The following NCOA6 variants were observed in gnomAD, a reference collection of about 807,000 sequenced individuals.
NCOA6 encodes the protein nuclear receptor coactivator 6, also known as NRC RAP250.
A neutral mutation model predicts 171.4 loss-of-function variants in NCOA6; 49 were observed. The observed-to-expected ratio is 0.29, with a 90% CI of 0.23 to 0.36. The LOEUF (loss-of-function observed/expected upper bound fraction) is 0.36, where lower values mean the gene tolerates loss of function less well. Ranked by LOEUF, NCOA6 falls within the 10% of genes least tolerant of loss-of-function variation. NCOA6 has a pLI of 1.00. For synonymous variants in NCOA6, 910 were observed against 927.5 expected (o/e 0.98, Z 0.34); for missense variants, 2,248 against 2,554.5 (o/e 0.88, Z 2.59).
chr20:34,729,327 T>C (rs145653915), intron 13 of NCOA6, among the ~76,000 whole-genome samples: 386 of 152,336 alleles, frequency 2.5e-3, no homozygotes, highest in African/African-American at 8.8e-3. Flanking sequence ...AACTAAAATA[T>C]ATGTACAGTG....
intron 4 of NCOA6, among the ~76,000 whole-genome samples, chr20:34,773,735 G>A (rs2146049802): frequency 6.6e-6 from 1 of 152,278 alleles, no homozygotes; most frequent in African/African-American, 2.4e-5. Flanking sequence ...TGTTGGCCAG[G>A]CTGGTCTCAA....
At chr20:34,716,312 G>C (rs914910922) in intron 14 of NCOA6, among the ~76,000 whole-genome samples, 1 of 152,146 alleles carries the variant, frequency 6.6e-6, no homozygotes, top group Non-Finnish European at 1.5e-5. Flanking sequence ...GAGCCTGAAG[G>C]CTTCATGGAG....
At chr20:34,718,558 T>C (rs2146898842) in intron 14 of NCOA6, among the ~76,000 whole-genome samples, 1 of 150,488 alleles carries the variant, frequency 6.6e-6, no homozygotes, top group South Asian at 2.1e-4. Flanking sequence ...CAGGCTGGAG[T>C]GCAGTGGTGC....
At chr20:34,718,103 T>C (rs1988827422) in intron 14 of NCOA6, among the ~76,000 whole-genome samples, 1 of 152,090 alleles carries the variant, frequency 6.6e-6, no homozygotes, top group Admixed American at 6.5e-5. Context: ...TGCTAGAAAC[T>C]GCAAAAAAAC....
intron 1 of NCOA6, among the ~76,000 whole-genome samples, chr20:34,795,389 T>C (rs1334237248): frequency 6.6e-6 from 1 of 152,214 alleles, no homozygotes; most frequent in Non-Finnish European, 1.5e-5. Flanking sequence ...TGATGTGATG[T>C]AACTTTAAAT....
Position 34,742,434 on chromosome 20 carries a change from G to A in NCOA6, c.3822C>T (p.Gly1274=). 1 of 1,614,196 alleles carries A rather than the reference G, an allele frequency of 6.2e-7. No individual in the cohort carries two copies. The highest frequency in any genetic ancestry group is 8.5e-7 in the Non-Finnish European group (1 of 1,180,046). The part of the protein sequence containing the change: ...PNLNRGFDQQ[G]LNPTTLKAIG... ...TGGCCTTCAAAGTTGTTGGATTTAG[G>A]CCTTGTTGATCAAAGCCCCTGTTTA... Residue 1274 remains glycine, a synonymous_variant, in exon 11 of 15, where the codon GGC becomes GGT. Transcript: ENST00000359003.
At chr20:34,790,253 C>T (rs1027044577) in intron 2 of NCOA6, among the ~76,000 whole-genome samples, 1 of 151,982 alleles carries the variant, frequency 6.6e-6, no homozygotes, top group African/African-American at 2.4e-5. Context: ...CTGATACATG[C>T]TACAACGGAG....
At chr20:34,745,061 G>A (rs2076263468) in intron 10 of NCOA6, among the ~76,000 whole-genome samples, 1 of 152,140 alleles carries the variant, frequency 6.6e-6, no homozygotes, top group Non-Finnish European at 1.5e-5. Context: ...TGGTGAAGAG[G>A]GAAAGCCAGG....
At chr20:34,792,590 C>T (rs1383430146) in intron 1 of NCOA6, 27 bp from the exon 2 acceptor site, 3 of 397,610 alleles carry the variant, frequency 7.5e-6, no homozygotes, top group Non-Finnish European at 1.3e-5. Flanking sequence ...ACAACAACAA[C>T]AAAAAGAGAG....
At position 34,749,842 on chromosome 20, in the gene NCOA6, C is replaced by G. The variant is rs2076414792; in HGVS notation, c.2353G>C (p.Gly785Arg). ...NSPSQVMGIQ[G>R]QVLRPPGPSP... ...GGCCCTGGTGGCCGCAGGACCTGTCCCTGAATGCCCATAACCTGAGATGGA... is the reference window on the plus strand; with the variant it reads ...GGCCCTGGTGGCCGCAGGACCTGTCGCTGAATGCCCATAACCTGAGATGGA... The change falls in exon 9 of 15, where the codon GGA (glycine) becomes CGA (arginine). Residue 785 changes from glycine (G) to arginine (R), a missense_variant. By Grantham distance (125) the Gly-to-Arg change is moderately radical. Around this residue, in one of 7 missense-constraint regions of NCOA6, gnomAD observed 987 missense variants for 1,104.7 expected, o/e 0.89. Coordinates refer to ENST00000359003, the MANE Select transcript of NCOA6 (RefSeq NM_014071.5). The G allele has an allele frequency of 1.9e-6, 3 of 1,614,194 alleles. No homozygotes were observed. Among genetic ancestry groups the G allele is most frequent in the Non-Finnish European group, 2.5e-6 (3 of 1,180,032 alleles).
chr20:34,791,605 T>C (rs2146327718), intron 2 of NCOA6, among the ~76,000 whole-genome samples: 1 of 152,324 alleles, frequency 6.6e-6, no homozygotes, highest in South Asian at 2.1e-4. Context: ...AAAAACTTTC[T>C]AGATACAAAA....
At chr20:34,814,670 C>T (rs561594634) in intron 1 of NCOA6, among the ~76,000 whole-genome samples, 1 of 152,286 alleles carries the variant, frequency 6.6e-6, no homozygotes, top group African/African-American at 2.4e-5. Flanking sequence ...TGGCTCACCG[C>T]AACCTCTGCC....
chr20:34,797,932 T>C (rs2078132494), intron 1 of NCOA6, among the ~76,000 whole-genome samples: 1 of 152,054 alleles, frequency 6.6e-6, no homozygotes. Context: ...TTCCCTTTAC[T>C]ATTTGGGCTA....
Position 34,750,495 on chromosome 20 carries a change from T to C in NCOA6, c.1700A>G (p.Gln567Arg). 1 of 1,609,398 alleles carries C rather than the reference T, an allele frequency of 6.2e-7. No homozygotes were observed. The highest frequency in any genetic ancestry group is 8.5e-7 in the Non-Finnish European group (1 of 1,176,988). The change falls in exon 9 of 15, where the codon CAA (glutamine) becomes CGA (arginine). Residue 567 changes from glutamine (Q) to arginine (R), a missense_variant. By Grantham distance (43) the Gln-to-Arg change is conservative. Transcript: ENST00000359003. Reference protein sequence around the residue: ...HAGGQGAGPPQNQMQVSHGPP... With the variant: ...HAGGQGAGPPRNQMQVSHGPP... ...CCCGTGGGACACCTGCATCTGGTTTTGAGGAGGACCAGCTCCTTGACCACC... is the reference window on the plus strand; with the variant it reads ...CCCGTGGGACACCTGCATCTGGTTTCGAGGAGGACCAGCTCCTTGACCACC...
chr20:34,824,383 C>T (rs1036978355), intron 1 of NCOA6, among the ~76,000 whole-genome samples: 1 of 152,232 alleles, frequency 6.6e-6, no homozygotes, highest in Non-Finnish European at 1.5e-5. Flanking sequence ...GCTAAAATCA[C>T]TACCTGATTT....
intron 12 of NCOA6, 94 bp from the exon 13 acceptor site, chr20:34,732,689 TA>T: frequency 9.5e-7 from 1 of 1,055,142 alleles, no homozygotes. Flanking sequence ...CTATTTAGGC[TA>T]AAGTGTCCCT....
At chr20:34,770,655 G>A (rs2077120974) in intron 4 of NCOA6, among the ~76,000 whole-genome samples, 1 of 150,808 alleles carries the variant, frequency 6.6e-6, no homozygotes, top group African/African-American at 2.4e-5. Flanking sequence ...TTTTGAATCG[G>A]AGTGTCTCAC....
rs1460478075 is a variant in NCOA6 at position 34,757,271 on chromosome 20, G to C, written c.1477C>G (p.Gln493Glu). 6.2e-7 allele frequency: 1 copy of C among 1,611,340 alleles called. No individual in the cohort carries two copies. Among genetic ancestry groups the C allele is most frequent in the African/African-American group, 1.3e-5 (1 of 75,042 alleles). Residue 493 changes from glutamine to glutamate, a missense_variant, in exon 7 of 15, where the codon CAG (glutamine) becomes GAG (glutamate). Around this residue, in one of 7 missense-constraint regions of NCOA6, gnomAD observed 987 missense variants for 1,104.7 expected, o/e 0.89. Coordinates refer to ENST00000359003, the MANE Select transcript of NCOA6 (RefSeq NM_014071.5). ...GGCCCCTGGTTTGGTGGTTGCTGCT[G>C]CATCACCATGAAGTTAGGTGGCACA... is the stretch of plus-strand genomic sequence containing the variant. ...GNVPPNFMVM[Q>E]QQPPNQGPQS...
chr20:34,749,203 C>T (rs754113261), intron 9 of NCOA6, among the ~76,000 whole-genome samples, 200 bp downstream of exon 9: 21 of 152,012 alleles, frequency 1.4e-4, no homozygotes, highest in African/African-American at 5.1e-4. Context: ...ATTTACCCAG[C>T]GAATTTGCTT....
Sources: gnomAD v4.1 joint callset for allele counts (sites outside exome capture counted in the v4.1 genomes callset) on GRCh38, gnomAD v4.1.1 for gene constraint, gnomAD v4.1.1 regional missense constraint, MANE v1.5 for transcripts, NCBI Gene and HGNC (gene_info 2026-07-23, HGNC 2026-07-21) for gene names.